The following CFAP54 variants were observed in gnomAD, a reference collection of about 807,000 sequenced individuals.
CFAP54 encodes the protein cilia- and flagella-associated protein 54.
A neutral mutation model predicts 370.4 loss-of-function variants in CFAP54; 290 were observed. The observed-to-expected ratio is 0.78, with a 90% CI of 0.71 to 0.86. The LOEUF (loss-of-function observed/expected upper bound fraction) is 0.86. CFAP54 is among the 40% of genes least tolerant of loss of function. The pLI is 0.00. For synonymous variants in CFAP54, 1,206 were observed against 1,236.5 expected (o/e 0.98, Z 0.52); for missense variants, 3,399 against 3,528.7 (o/e 0.96, Z 0.93).
At chr12:96,545,797 A>G (rs532489986) in intron 14 of CFAP54, among the ~76,000 whole-genome samples, 2 of 152,328 alleles carry the variant, frequency 1.3e-5, no homozygotes, top group South Asian at 4.1e-4. Flanking sequence ...TCAATTATGC[A>G]TATCTAATGA....
intron 50 of CFAP54, among the ~76,000 whole-genome samples, chr12:96,726,369 T>C (rs1957836413): frequency 6.6e-6 from 1 of 152,232 alleles, no homozygotes; most frequent in African/African-American, 2.4e-5. Flanking sequence ...TATTGGTCTA[T>C]TCAGAGATTC....
chr12:96,871,116 A>G (rs1363815497), intron 67 of CFAP54, among the ~76,000 whole-genome samples: 2 of 152,124 alleles, frequency 1.3e-5, no homozygotes, highest in Non-Finnish European at 2.9e-5. Context: ...TCTGTGCACA[A>G]ATTCTCCTAA....
At chr12:96,782,142 C>A (rs749687255) in intron 60 of CFAP54, among the ~76,000 whole-genome samples, 2 of 151,844 alleles carry the variant, frequency 1.3e-5, no homozygotes, top group East Asian at 3.8e-4. Context: ...ATTCAACAAC[C>A]ATTTATGATT....
intron 67 of CFAP54, among the ~76,000 whole-genome samples, chr12:96,864,739 T>A (rs1959961355): frequency 1.3e-5 from 2 of 152,168 alleles, no homozygotes; most frequent in African/African-American, 4.8e-5. Context: ...AGTTTTGTAT[T>A]GTATTTTCAT....
chr12:96,720,323 A>T, intron 49 of CFAP54, 82 bp from the exon 50 acceptor site: 6 of 1,173,404 alleles, frequency 5.1e-6, no homozygotes, highest in Non-Finnish European at 6.7e-6. Context: ...TTTTCAGTAC[A>T]TGAAAAATAT....
At chr12:96,658,751 GTA>G (rs1172482292) in intron 38 of CFAP54, among the ~76,000 whole-genome samples, 2 of 151,904 alleles carry the variant, frequency 1.3e-5, no homozygotes, top group Admixed American at 1.3e-4. Context: ...GTGGCTCTAA[GTA>G]CATCTCTATG....
At chr12:96,646,080 A>G (rs1267432192) in intron 33 of CFAP54, 5 of 152,212 alleles carry the variant, frequency 3.3e-5, no homozygotes, top group African/African-American at 4.8e-5. Context: ...CAATGGCAAG[A>G]AAAGCCAAAA....
chr12:96,504,084 A>T, intron 3 of CFAP54, 55 bp downstream of exon 3: 1 of 1,415,772 alleles, frequency 7.1e-7, no homozygotes. Context: ...TATACAATGT[A>T]TCTTTTAGTT....
At chr12:96,770,743 T>A (rs1482940358) in intron 60 of CFAP54, among the ~76,000 whole-genome samples, 1 of 152,200 alleles carries the variant, frequency 6.6e-6, no homozygotes, top group Non-Finnish European at 1.5e-5. Flanking sequence ...TTCAGGAAAA[T>A]CCTGTGGGAG....
At chr12:96,729,121 G>T (rs1399903111) in intron 50 of CFAP54, among the ~76,000 whole-genome samples, 5 of 152,126 alleles carry the variant, frequency 3.3e-5, no homozygotes, top group Admixed American at 6.5e-5. Context: ...CTGCTCGGGG[G>T]TCAGGGGTCG....
At position 96,594,449 on chromosome 12, in the gene CFAP54, A is replaced by G. The variant is rs368564122; in HGVS notation, c.3516+3A>G. 1.3e-6 allele frequency: 2 copies of G among 1,514,834 alleles called. No individual in the cohort carries two copies. The highest frequency in any genetic ancestry group is 2.0e-5 in the Admixed American group (1 of 50,638). 93.8% of individuals were successfully genotyped at this position (1,514,834 alleles called of 1,614,324 possible). On this transcript the variant is annotated splice_donor_region_variant and intron_variant, in intron 25 of 67. Coordinates refer to ENST00000524981, the MANE Select transcript of CFAP54 (RefSeq NM_001306084.2). ...TTGTTTTGGTACCTGTTGTACAGGTAAGGGTATTCCTCTCCCCAAGAGAAG... is the reference window on the plus strand; with the variant it reads ...TTGTTTTGGTACCTGTTGTACAGGTGAGGGTATTCCTCTCCCCAAGAGAAG...
chr12:96,844,004 A>G (rs1384848652), intron 66 of CFAP54, among the ~76,000 whole-genome samples: 2 of 152,214 alleles, frequency 1.3e-5, no homozygotes, highest in African/African-American at 4.8e-5. Context: ...CATGCCATGA[A>G]TTTTTAAATA....
At chr12:96,683,117 T>C (rs1192621164) in intron 40 of CFAP54, among the ~76,000 whole-genome samples, 1 of 152,244 alleles carries the variant, frequency 6.6e-6, no homozygotes, top group African/African-American at 2.4e-5. Context: ...ATTCTTCTTA[T>C]ACACATTATT....
chr12:96,724,126 C>A (rs1042017690), intron 50 of CFAP54, among the ~76,000 whole-genome samples: 1 of 151,132 alleles, frequency 6.6e-6, no homozygotes. Flanking sequence ...AATAGTGCCG[C>A]AATAAACATA....
intron 59 of CFAP54, among the ~76,000 whole-genome samples, chr12:96,764,498 A>G (rs914102847): frequency 2.6e-5 from 4 of 152,122 alleles, no homozygotes; most frequent in East Asian, 3.9e-4. Context: ...TGGCATGCCT[A>G]TAGTCTCAGC....
At chr12:96,808,922 G>T (rs7301971) in intron 63 of CFAP54, among the ~76,000 whole-genome samples, 50,903 of 152,014 alleles carry the variant, frequency 0.33, 8,810 homozygotes, top group South Asian at 0.54. Flanking sequence ...GAGGTAAAAA[G>T]ACCTTGAATG....
chr12:96,685,669 C>A (rs1363873911), intron 42 of CFAP54, among the ~76,000 whole-genome samples: 1 of 152,080 alleles, frequency 6.6e-6, no homozygotes, highest in Non-Finnish European at 1.5e-5. Flanking sequence ...CCTGCCTCAG[C>A]CTCCCGAGTA....
chr12:96,512,303 A>ATT (rs1955179161), intron 4 of CFAP54, among the ~76,000 whole-genome samples: 2 of 6,128 alleles, frequency 3.3e-4, no homozygotes, highest in Non-Finnish European at 7.7e-4. Context: ...AACCAATTTT[A>ATT]TATATATATA....
At chr12:96,859,758 A>G (rs1959819791) in intron 66 of CFAP54, among the ~76,000 whole-genome samples, 1 of 152,172 alleles carries the variant, frequency 6.6e-6, no homozygotes. Context: ...TGAATTGATT[A>G]AGGAGGGATT....
Sources: allele counts gnomAD v4.1 joint callset (sites outside exome capture counted in the v4.1 genomes callset), GRCh38; gene constraint gnomAD v4.1.1; transcripts MANE v1.5; gene names NCBI Gene and HGNC (gene_info 2026-07-23, HGNC 2026-07-21).